The following CTNNA3 variants were observed in gnomAD, a reference collection of about 807,000 sequenced individuals.
CTNNA3 encodes catenin alpha-3.
CTNNA3 carries 76 observed loss-of-function variants against 95.7 expected under a neutral mutation model. The ratio of observed to expected loss-of-function variants is 0.79; its 90% confidence interval spans 0.66 to 0.96. CTNNA3 has a LOEUF of 0.96. Ranked by LOEUF, CTNNA3 falls within the 40% of genes least tolerant of loss-of-function variation. CTNNA3 has a pLI of 0.00. For synonymous variants in CTNNA3, 431 were observed against 374.4 expected, an observed-to-expected ratio of 1.15 and a Z score of -1.74; for missense variants, 1,191 against 1,089.8, an observed-to-expected ratio of 1.09 and a Z score of -1.31.
chr10:67,677,553 C>A (rs192850018), intron 1 of CTNNA3, among the ~76,000 whole-genome samples: 128 of 152,266 alleles, frequency 8.4e-4, no homozygotes, highest in African/African-American at 2.9e-3. Flanking sequence ...ATCCTCACAT[C>A]CTATCAAAGA....
chr10:67,517,689 TC>T (rs1332873034), intron 5 of CTNNA3, among the ~76,000 whole-genome samples: 1 of 152,142 alleles, frequency 6.6e-6, no homozygotes, highest in Non-Finnish European at 1.5e-5. Flanking sequence ...GTACAAGTCC[TC>T]AGTACTTTAA....
chr10:67,751,213 C>T (rs988313813), intron 1 of CTNNA3: 2 of 1,282,296 alleles, frequency 1.6e-6, no homozygotes, highest in South Asian at 2.4e-5. Flanking sequence ...GAGGACTATC[C>T]CTTCGATGCA....
At chr10:67,142,517 G>A (rs1860616725) in intron 7 of CTNNA3, among the ~76,000 whole-genome samples, 1 of 152,016 alleles carries the variant, frequency 6.6e-6, no homozygotes. Flanking sequence ...TCACAATAAA[G>A]CAAGTCACAT....
chr10:66,680,555 C>T (rs534844684), intron 9 of CTNNA3, among the ~76,000 whole-genome samples: 2 of 152,248 alleles, frequency 1.3e-5, no homozygotes, highest in African/African-American at 4.8e-5. Flanking sequence ...ATCTATAATA[C>T]TTGGGATATG....
At chr10:66,597,778 G>A (rs1256354654) in intron 10 of CTNNA3, among the ~76,000 whole-genome samples, 2 of 151,262 alleles carry the variant, frequency 1.3e-5, no homozygotes, top group Non-Finnish European at 3.0e-5. Context: ...ACTTGGAAAA[G>A]CTGTCCTTCC....
At chr10:66,717,968 T>G (rs542533049) in intron 9 of CTNNA3, among the ~76,000 whole-genome samples, 2 of 152,142 alleles carry the variant, frequency 1.3e-5, no homozygotes, top group South Asian at 4.1e-4. Context: ...CAGTGAAAAT[T>G]GTAATCAGCT....
At chr10:67,665,195 A>T (rs1464028330) in intron 1 of CTNNA3, among the ~76,000 whole-genome samples, 2 of 152,076 alleles carry the variant, frequency 1.3e-5, no homozygotes, top group Non-Finnish European at 2.9e-5. Context: ...AATAAACAGC[A>T]GACTCGAGCC....
Position 67,632,312 on chromosome 10 carries a change from T to TTAAA in CTNNA3, c.99+15102_99+15103insTTTA, listed in dbSNP as rs551582053. On this transcript the variant is annotated intron_variant, in intron 2 of 17. Coordinates refer to ENST00000433211, the MANE Select transcript of CTNNA3 (RefSeq NM_013266.4). ...CTCATTACCTGTCCATTAAATATAT[T>TTAAA]AAAAAAAAAAAACACTCCTTCTCCT... Among the ~76,000 whole-genome samples the TTAAA allele has an allele frequency of 9.2e-3, 1,326 of 144,276 alleles. 20 individuals carry two copies. The highest frequency in any genetic ancestry group is 0.03 in the African/African-American group (1,205 of 39,874). 94.7% of individuals were successfully genotyped at this position (144,276 alleles called of 152,430 possible).
chr10:66,380,455 A>T (rs2092828584), intron 11 of CTNNA3, among the ~76,000 whole-genome samples: 1 of 151,812 alleles, frequency 6.6e-6, no homozygotes, highest in African/African-American at 2.4e-5. Flanking sequence ...ACAACAAAAT[A>T]AATTTAGCCA....
intron 12 of CTNNA3, among the ~76,000 whole-genome samples, chr10:66,334,218 C>A (rs2092367937): frequency 6.6e-6 from 1 of 151,860 alleles, no homozygotes; most frequent in African/African-American, 2.4e-5. Context: ...GAGCATTTAG[C>A]CCATTTACAT....
chr10:67,717,445 T>A (rs1053188686), intron 1 of CTNNA3, among the ~76,000 whole-genome samples: 2 of 152,150 alleles, frequency 1.3e-5, no homozygotes, highest in African/African-American at 4.8e-5. Context: ...GTTTTTATGG[T>A]TTTCAGTTTT....
At chr10:66,101,558 CATATTTTCT>C (rs1382574687) in intron 14 of CTNNA3, among the ~76,000 whole-genome samples, 1 of 151,962 alleles carries the variant, frequency 6.6e-6, no homozygotes, top group African/African-American at 2.4e-5. Context: ...TATGTTTTAC[CATATTTTCT>C]GTATTTTATA....
chr10:66,434,936 G>A (rs536037681), intron 11 of CTNNA3, among the ~76,000 whole-genome samples: 31 of 151,776 alleles, frequency 2.0e-4, no homozygotes, highest in Admixed American at 5.2e-4. Context: ...CTGTTTATGT[G>A]ATGGATTCCA....
chr10:66,840,368 T>TCA (rs1843020794), intron 7 of CTNNA3, among the ~76,000 whole-genome samples: 5 of 80,300 alleles, frequency 6.2e-5, no homozygotes, highest in African/African-American at 4.5e-4. Context: ...TCTCTCTCTC[T>TCA]CTCTCACACA....
At chr10:67,120,219 A>G (rs894143529) in intron 7 of CTNNA3, among the ~76,000 whole-genome samples, 35 of 152,068 alleles carry the variant, frequency 2.3e-4, no homozygotes, top group African/African-American at 8.4e-4. Context: ...GACTTTTTCT[A>G]CTTGCATAAT....
At chr10:66,162,899 G>T (rs1015920612) in intron 13 of CTNNA3, among the ~76,000 whole-genome samples, 10 of 151,712 alleles carry the variant, frequency 6.6e-5, no homozygotes, top group African/African-American at 2.4e-4. Context: ...TGCTGTGGGG[G>T]GTGGGGGTAA....
intron 5 of CTNNA3, among the ~76,000 whole-genome samples, chr10:67,305,715 AT>A (rs982675530): frequency 6.6e-6 from 1 of 152,162 alleles, no homozygotes; most frequent in Non-Finnish European, 1.5e-5. Context: ...AGAGTGGTAG[AT>A]GTGAAAGTGG....
intron 5 of CTNNA3, among the ~76,000 whole-genome samples, chr10:67,432,407 A>C (rs1846137540): frequency 6.6e-6 from 1 of 151,994 alleles, no homozygotes; most frequent in Non-Finnish European, 1.5e-5. Context: ...TTATTCTCTC[A>C]CAGTTTTAGA....
chr10:67,199,416 C>G (rs1192030204), intron 6 of CTNNA3, among the ~76,000 whole-genome samples: 2 of 152,058 alleles, frequency 1.3e-5, no homozygotes, highest in East Asian at 3.9e-4. Context: ...GTTGCCCAGG[C>G]TGGAATGCAG....
Sources: allele counts gnomAD v4.1 joint callset (sites outside exome capture counted in the v4.1 genomes callset), GRCh38; gene constraint gnomAD v4.1.1; transcripts MANE v1.5; gene names NCBI Gene and HGNC (gene_info 2026-07-23, HGNC 2026-07-21).